Variants in TTC39C observed in about 807,000 individuals in gnomAD.
TTC39C encodes the protein tetratricopeptide repeat domain 39C, also known as tetratricopeptide repeat protein 39C.
A neutral mutation model predicts 76.3 loss-of-function variants in TTC39C; 33 were observed. The ratio of observed to expected loss-of-function variants is 0.43; its 90% CI spans 0.33 to 0.58. The LOEUF is 0.58. Among genes scored for constraint, TTC39C ranks in the 20% least tolerant of loss-of-function variants. TTC39C has a pLI of 0.04. For missense variants in TTC39C, 595 were observed against 701.4 expected, an observed-to-expected ratio of 0.85 and a Z score of 1.71; for synonymous variants, 254 against 260.6, an observed-to-expected ratio of 0.97 and a Z score of 0.24.
chr18:24,061,593 TA>T (rs35502981), intron 1 of TTC39C, among the ~76,000 whole-genome samples: 36 of 95,788 alleles, frequency 3.8e-4, no homozygotes, highest in African/African-American at 1.1e-3. Context: ...TTGAAATAAG[TA>T]AAAAAAAAAA....
chr18:24,055,603 A>C (rs1447806095), intron 1 of TTC39C, among the ~76,000 whole-genome samples: 3 of 151,968 alleles, frequency 2.0e-5, no homozygotes, highest in African/African-American at 4.8e-5. Context: ...GTTGTTGCTG[A>C]GTTGTAGGAG....
intron 12 of TTC39C, among the ~76,000 whole-genome samples, chr18:24,131,109 T>TG (rs1490296378): frequency 5.3e-5 from 7 of 131,606 alleles, no homozygotes; most frequent in Non-Finnish European, 1.1e-4. Context: ...CCAGTTAACC[T>TG]GGGGGGCTGA....
intron 7 of TTC39C, 96 bp downstream of exon 7, chr18:24,114,743 T>C (rs1247686104): frequency 9.2e-6 from 8 of 865,102 alleles, no homozygotes; most frequent in Non-Finnish European, 1.5e-5. Flanking sequence ...ACAAAATGCT[T>C]GGTGCCTTCT....
In TTC39C at chr18:24,125,400, T is replaced by C. The variant is rs200514851; in HGVS notation, c.1297-27T>C. 7 of 1,613,174 alleles carry C rather than the reference T, an allele frequency of 4.3e-6. No individual in the cohort carries two copies. In the East Asian group the frequency reaches 1.6e-4, roughly 36 times the overall value. On this transcript the variant is annotated intron_variant, in intron 9 of 13. Coordinates refer to ENST00000317571, the MANE Select transcript of TTC39C (RefSeq NM_001135993.2). ...TATTTGAATTTGTTTTTGAAAAATGTAGCCTGTTTATTCTGACTCCTTGCA... is the reference window on the plus strand; with the variant it reads ...TATTTGAATTTGTTTTTGAAAAATGCAGCCTGTTTATTCTGACTCCTTGCA...
chr18:24,065,434 T>G (rs1352463276), intron 2 of TTC39C, among the ~76,000 whole-genome samples: 2 of 152,188 alleles, frequency 1.3e-5, no homozygotes, highest in African/African-American at 4.8e-5. Context: ...TTTCCCCTAC[T>G]TCGTTAAATG....
At chr18:24,057,715 A>T (rs1044598904) in intron 1 of TTC39C, among the ~76,000 whole-genome samples, 3 of 152,198 alleles carry the variant, frequency 2.0e-5, no homozygotes, top group African/African-American at 4.8e-5. Flanking sequence ...AGTATGAATA[A>T]CACTGCTATT....
At chr18:24,081,856 A>G (rs992154646) in intron 5 of TTC39C, among the ~76,000 whole-genome samples, 3 of 152,162 alleles carry the variant, frequency 2.0e-5, no homozygotes, top group Admixed American at 2.0e-4. Flanking sequence ...GTCTGTTTAT[A>G]TCTTAATATT....
At chr18:24,031,648 C>G (rs1454610447) in intron 1 of TTC39C, among the ~76,000 whole-genome samples, 1 of 152,208 alleles carries the variant, frequency 6.6e-6, no homozygotes, top group African/African-American at 2.4e-5. Flanking sequence ...CACTTGGACA[C>G]TTGCACTGGC....
chr18:24,037,374 G>T (rs1010507768), intron 1 of TTC39C, among the ~76,000 whole-genome samples: 5 of 152,052 alleles, frequency 3.3e-5, no homozygotes, highest in African/African-American at 4.8e-5. Context: ...TGTCTGTTTT[G>T]CTCACTGCTA....
chr18:24,128,551 G>C (rs1013942701), intron 10 of TTC39C, among the ~76,000 whole-genome samples: 2 of 151,900 alleles, frequency 1.3e-5, no homozygotes, highest in Non-Finnish European at 2.9e-5. Flanking sequence ...TTTCCATTCT[G>C]CATCTTTCTC....
At chr18:24,056,784 G>A (rs1399713513) in intron 1 of TTC39C, among the ~76,000 whole-genome samples, 1 of 151,940 alleles carries the variant, frequency 6.6e-6, no homozygotes, top group Non-Finnish European at 1.5e-5. Context: ...GTGAACATAA[G>A]AGGCCCTCTC....
intron 12 of TTC39C, among the ~76,000 whole-genome samples, chr18:24,130,677 C>T (rs1185332214): frequency 6.6e-6 from 1 of 152,002 alleles, no homozygotes; most frequent in East Asian, 1.9e-4. Context: ...CGTTGTTAGG[C>T]AATTCCTTCC....
At chr18:24,070,218 A>C (rs2084220749) in intron 4 of TTC39C, among the ~76,000 whole-genome samples, 1 of 152,096 alleles carries the variant, frequency 6.6e-6, no homozygotes, top group Non-Finnish European at 1.5e-5. Context: ...TGATCTCTGA[A>C]ATTTGGACTT....
chr18:24,104,451 C>T (rs186432663), intron 6 of TTC39C, among the ~76,000 whole-genome samples: 125 of 152,286 alleles, frequency 8.2e-4, no homozygotes, highest in Admixed American at 7.5e-3. Context: ...CTGCTTTCAC[C>T]AGTTCCTCAC....
At chr18:24,031,966 GGCAGAAAGAGATTTTACACACAC>G (rs1282144727) in intron 1 of TTC39C, among the ~76,000 whole-genome samples, 2 of 152,194 alleles carry the variant, frequency 1.3e-5, no homozygotes, top group Non-Finnish European at 2.9e-5. Flanking sequence ...ATAAGAGGAA[GGCAGAAAGAGATTTTACACACAC>G]GCAGAAGGTG....
chr18:24,033,061 T>G (rs1364344077), intron 1 of TTC39C, among the ~76,000 whole-genome samples: 2 of 152,180 alleles, frequency 1.3e-5, no homozygotes, highest in Non-Finnish European at 2.9e-5. Context: ...GAGACCAGCC[T>G]GGCCAACATG....
chr18:24,076,195 G>A (rs2084305739), intron 4 of TTC39C, among the ~76,000 whole-genome samples: 1 of 152,116 alleles, frequency 6.6e-6, no homozygotes, highest in African/African-American at 2.4e-5. Context: ...GGCCAGGCTG[G>A]TTTTGAACTC....
intron 1 of TTC39C, among the ~76,000 whole-genome samples, chr18:24,042,665 G>A (rs1169346735): frequency 6.6e-6 from 1 of 152,118 alleles, no homozygotes; most frequent in Non-Finnish European, 1.5e-5. Flanking sequence ...GTTTTGTCTA[G>A]GGGTCAATGA....
In TTC39C at chr18:24,124,559, T is replaced by A. The variant is rs549243828; in HGVS notation, c.1296+616T>A. Reference sequence around the variant, plus strand: ...ACAGTATTCCTATGTATTCTGTACTTCTGTGAATACAATGTTGCCGTATTA... The same window carrying A: ...ACAGTATTCCTATGTATTCTGTACTACTGTGAATACAATGTTGCCGTATTA... On this transcript the variant is annotated intron_variant, in intron 9 of 13. Transcript: ENST00000317571. Among the ~76,000 whole-genome samples the A allele has an allele frequency of 2.6e-5, 4 of 152,360 alleles. No homozygotes were observed. In the South Asian group the frequency reaches 8.3e-4, roughly 32 times the overall value.
Sources: gnomAD v4.1 joint callset for allele counts (sites outside exome capture counted in the v4.1 genomes callset) on GRCh38, gnomAD v4.1.1 for gene constraint, MANE v1.5 for transcripts, NCBI Gene and HGNC (gene_info 2026-07-23, HGNC 2026-07-21) for gene names.